The following GOLM1 variants were observed in gnomAD, a reference collection of about 807,000 sequenced individuals.
The protein encoded by GOLM1 is epididymis luminal protein 46.
A neutral mutation model predicts 50.5 loss-of-function variants in GOLM1; 31 were observed. That is an observed-to-expected ratio of 0.61 (90% CI 0.46 to 0.83). GOLM1 has a LOEUF of 0.83. GOLM1 is among the 40% of genes least tolerant of loss of function. The pLI is 0.00. For synonymous variants in GOLM1, 178 were observed against 192.8 expected (o/e 0.92, Z 0.64); for missense variants, 491 against 501.3 (o/e 0.98, Z 0.20).
At chr9:86,092,313 G>C (rs1835209545) in intron 1 of GOLM1, among the ~76,000 whole-genome samples, 1 of 152,224 alleles carries the variant, frequency 6.6e-6, no homozygotes, top group Non-Finnish European at 1.5e-5. Flanking sequence ...AGGAAACAGT[G>C]ATGCATGTTT....
At chr9:86,036,302 G>A (rs1833143024) in intron 7 of GOLM1, 46 bp downstream of exon 7, 10 of 1,600,736 alleles carry the variant, frequency 6.2e-6, no homozygotes, top group Non-Finnish European at 8.6e-6. Context: ...TCCTCTGATG[G>A]GGCTCTGGAG....
At chr9:86,030,171 T>C (rs1224728954) in intron 9 of GOLM1, among the ~76,000 whole-genome samples, 2 of 143,402 alleles carry the variant, frequency 1.4e-5, no homozygotes, top group African/African-American at 5.3e-5. Context: ...TGAGCCAGGA[T>C]TGTGCCATTG....
intron 1 of GOLM1, 27 bp from the exon 2 acceptor site, chr9:86,079,368 C>T (rs1408249394): frequency 2.0e-6 from 3 of 1,531,668 alleles, no homozygotes; most frequent in African/African-American, 2.8e-5. Flanking sequence ...AATAAATAAA[C>T]ATCAATACTA....
rs1011645683 is a variant in GOLM1 at position 86,036,217 on chromosome 9, A to C, written c.757+131T>G. 4.5e-6 allele frequency: 4 copies of C among 884,622 alleles called. No homozygotes were observed. The Admixed American group carries it at 8.2e-5, about 18-fold the overall frequency. 54.8% of individuals were successfully genotyped at this position (884,622 alleles called of 1,614,324 possible). A position where few individuals can be genotyped will look rare whatever the true frequency, so the allele number is the denominator to read the frequency against. Reference sequence around the variant, plus strand: ...CCCAAAGCCCCAATTCCAGGGGCCCAGAGAGACACGTCCCTGCTCCTGGCT... The same window carrying C: ...CCCAAAGCCCCAATTCCAGGGGCCCCGAGAGACACGTCCCTGCTCCTGGCT... On this transcript the variant is annotated intron_variant, in intron 7 of 9. Transcript: ENST00000388712.
chr9:86,072,008 A>G (rs1473117103), intron 3 of GOLM1, among the ~76,000 whole-genome samples: 3 of 152,254 alleles, frequency 2.0e-5, no homozygotes, highest in Non-Finnish European at 4.4e-5. Flanking sequence ...AACTAAATCT[A>G]TCAAATCAAT....
chr9:86,095,010 G>T (rs1835311132), intron 1 of GOLM1, among the ~76,000 whole-genome samples: 1 of 151,140 alleles, frequency 6.6e-6, no homozygotes, highest in Non-Finnish European at 1.5e-5. Flanking sequence ...TAGAACCTGG[G>T]AAGCGGAGTT....
rs193282257 is a variant in GOLM1, at chr9:86,069,919, T to C, written c.309+7493A>G. ...CTTTTTTTGAGATGAAGTCTCACTT[T>C]GTCACCCAGGCTGGAGTGCAGTAGT... On this transcript the variant is annotated intron_variant, in intron 3 of 9. Transcript: ENST00000388712. Among the ~76,000 whole-genome samples the C allele has an allele frequency of 1.7e-4, 26 of 152,218 alleles. No homozygotes were observed. In the East Asian group the frequency reaches 4.9e-3, roughly 28 times the overall value.
At chr9:86,030,561 A>G in intron 9 of GOLM1, among the ~76,000 whole-genome samples, 1 of 152,118 alleles carries the variant, frequency 6.6e-6, no homozygotes, top group East Asian at 1.9e-4. Flanking sequence ...CTGAGCCACT[A>G]CCCTTCAAAA....
intron 3 of GOLM1, among the ~76,000 whole-genome samples, chr9:86,076,648 G>A (rs1430161564): frequency 2.0e-5 from 3 of 151,532 alleles, no homozygotes; most frequent in African/African-American, 7.3e-5. Context: ...GGTGGATCAC[G>A]AGGTCAAGAG....
chr9:86,096,730 A>G (rs1047996626), intron 1 of GOLM1, among the ~76,000 whole-genome samples: 8 of 152,336 alleles, frequency 5.3e-5, no homozygotes, highest in Non-Finnish European at 1.2e-4. Context: ...TTCTACCTCT[A>G]ATGTTGTTAA....
At chr9:86,088,059 C>T (rs10868370) in intron 1 of GOLM1, among the ~76,000 whole-genome samples, 30,061 of 151,860 alleles carry the variant, frequency 0.2, 4,585 homozygotes, top group East Asian at 0.52. Context: ...GCTGTGATTC[C>T]GTCTGGTCCT....
At position 86,095,251 on chromosome 9, in the gene GOLM1, C is replaced by T. The variant is rs150593854; in HGVS notation, c.-22+4160G>A. Among the ~76,000 whole-genome samples the T allele has an allele frequency of 9.2e-5, 14 of 151,440 alleles. No individual in the cohort carries two copies. The East Asian group carries it at 9.7e-4, about 10-fold the overall frequency. On this transcript the variant is annotated intron_variant, in intron 1 of 9. Coordinates refer to ENST00000388712, the MANE Select transcript of GOLM1 (RefSeq NM_016548.4). ...ACATTTTTTTTCTTTTTTTTTGAGA[C>T]GAAGTCTTGCTTTGTCACCCAGGCT...
At chr9:86,062,460 G>T (rs1834189170) in intron 3 of GOLM1, among the ~76,000 whole-genome samples, 1 of 151,222 alleles carries the variant, frequency 6.6e-6, no homozygotes, top group African/African-American at 2.4e-5. Flanking sequence ...GGAGAGAAAG[G>T]AGGACAGAGG....
intron 1 of GOLM1, among the ~76,000 whole-genome samples, chr9:86,092,754 A>G (rs1198465840): frequency 6.6e-6 from 1 of 152,206 alleles, no homozygotes; most frequent in East Asian, 1.9e-4. Flanking sequence ...TAAGGGACAC[A>G]CACTGGCGAG....
chr9:86,078,132 G>A (rs1178685515), intron 2 of GOLM1: 1 of 152,568 alleles, frequency 6.6e-6, no homozygotes, highest in African/African-American at 2.4e-5. Flanking sequence ...GCCCATGCAG[G>A]TTGGAATCCC....
chr9:86,026,560 G>T lies in GOLM1; in HGVS notation c.*1257C>A, dbSNP rs144145411. On this transcript the variant is annotated 3_prime_UTR_variant, in exon 10 of 10. Transcript: ENST00000388712. ...TGAAAATAAGAGGGTTGGATCAAAC[G>T]ATCTCTGGGGCCTTAGCATCTCAAA... 6 of 907,990 alleles carry T rather than the reference G, an allele frequency of 6.6e-6. No homozygotes were observed. The highest frequency in any genetic ancestry group is 7.9e-6 in the Non-Finnish European group (6 of 759,438). 56.2% of individuals were successfully genotyped at this position (907,990 alleles called of 1,614,324 possible).
rs888350339 is a variant in GOLM1, at chr9:86,039,693, C to T, written c.597+1046G>A. Among the ~76,000 whole-genome samples the T allele has an allele frequency of 7.2e-5, 11 of 152,086 alleles. No homozygotes were observed. In the East Asian group the frequency reaches 9.7e-4, roughly 13 times the overall value. On this transcript the variant is annotated intron_variant, in intron 6 of 9. Transcript: ENST00000388712. ...AGTCAAAGATACCAGACAGTCCGGG[C>T]GTGGTGGCTCACGCCTGTAATCCCA...
At position 86,026,843 on chromosome 9, in the gene GOLM1, A is replaced by C. The variant is rs891183824; in HGVS notation, c.*974T>G. 1.1e-5 allele frequency: 11 copies of C among 980,366 alleles called. No individual in the cohort carries two copies. The highest frequency in any genetic ancestry group is 1.2e-4 in the Admixed American group (2 of 16,280). 60.7% of individuals were successfully genotyped at this position (980,366 alleles called of 1,614,324 possible). On this transcript the variant is annotated 3_prime_UTR_variant, in exon 10 of 10. Coordinates refer to ENST00000388712, the MANE Select transcript of GOLM1 (RefSeq NM_016548.4). ...TAAATGTGTACACTATGATAAAAAC[A>C]ACCATTGTATTCCTGTTTTTCTAAA...
chr9:86,086,343 T>G (rs758598632), intron 1 of GOLM1, among the ~76,000 whole-genome samples: 54 of 152,204 alleles, frequency 3.5e-4, no homozygotes, highest in Non-Finnish European at 6.9e-4. Flanking sequence ...TTTAAGTTCT[T>G]TGTAGAGTCT....
Sources: gnomAD v4.1 joint callset for allele counts (sites outside exome capture counted in the v4.1 genomes callset) on GRCh38, gnomAD v4.1.1 for gene constraint, MANE v1.5 for transcripts, NCBI Gene and HGNC (gene_info 2026-07-23, HGNC 2026-07-21) for gene names.